Variants in IL1RAPL2 observed in about 807,000 individuals in gnomAD.
IL1RAPL2 encodes the protein interleukin 1 receptor accessory protein like 2.
IL1RAPL2 carries 3 observed loss-of-function variants against 44.1 expected under a neutral mutation model. The observed-to-expected ratio is 0.07, with a 90% CI of 0.03 to 0.18. The LOEUF (loss-of-function observed/expected upper bound fraction) is 0.18, where lower values mean the gene tolerates loss of function less well. Among genes scored for constraint, IL1RAPL2 ranks in the 10% least tolerant of loss-of-function variants. The pLI is 1.00. For missense variants in IL1RAPL2, 391 were observed against 496.4 expected, an observed-to-expected ratio of 0.79 and a Z score of 2.02; for synonymous variants, 181 against 178.8, an observed-to-expected ratio of 1.01 and a Z score of -0.10.
At chrX:105,406,513 C>A in intron 5 of IL1RAPL2, 6 of 1,199,554 alleles carry the variant, frequency 5.0e-6, no homozygotes, top group Non-Finnish European at 6.8e-6. Flanking sequence ...TTGCTAGCAA[C>A]TCCAACCAAG....
chrX:104,608,306 A>G (rs961902303), intron 1 of IL1RAPL2, among the ~76,000 whole-genome samples: 7 of 110,769 alleles, frequency 6.3e-5, no homozygotes, highest in Non-Finnish European at 1.3e-4. Context: ...GCAGCAAACC[A>G]CCATGGCATG....
intron 2 of IL1RAPL2, among the ~76,000 whole-genome samples, chrX:105,176,369 T>C (rs1350571629): frequency 9.0e-6 from 1 of 111,166 alleles, no homozygotes; most frequent in Non-Finnish European, 1.9e-5. Flanking sequence ...GTATGCTATA[T>C]GTGGCCATTT....
At position 104,610,482 on chromosome X, in the gene IL1RAPL2, C is replaced by T. The variant is rs191439050; in HGVS notation, c.-20+43431C>T. Among the ~76,000 whole-genome samples, 54 of 112,204 alleles carry T rather than the reference C, an allele frequency of 4.8e-4. No homozygotes were observed. The East Asian group carries it at 0.015, about 30-fold the overall frequency. ...CAAAAATCACAAGCATTCTTATACA[C>T]TAATAATAGGCAGACAGCCAAATCA... On this transcript the variant is annotated intron_variant, in intron 1 of 10. Transcript: ENST00000372582.
intron 1 of IL1RAPL2, among the ~76,000 whole-genome samples, chrX:104,578,783 G>C (rs770647112): frequency 2.2e-3 from 242 of 111,374 alleles, no homozygotes; most frequent in Non-Finnish European, 3.4e-3. Context: ...CTTGGTTATA[G>C]AGATATAGAA....
intron 2 of IL1RAPL2, among the ~76,000 whole-genome samples, chrX:105,151,363 T>C (rs1251582865): frequency 9.0e-6 from 1 of 111,212 alleles, no homozygotes; most frequent in Non-Finnish European, 1.9e-5. Context: ...ACTTGAGAGT[T>C]CTTTTAGTTG....
At chrX:105,495,875 A>G (rs1261396004) in intron 6 of IL1RAPL2, among the ~76,000 whole-genome samples, 1 of 111,680 alleles carries the variant, frequency 9.0e-6, no homozygotes, top group Non-Finnish European at 1.9e-5. Context: ...AGTTAGCATG[A>G]AAAACTGGTT....
At chrX:105,415,592 G>C (rs1470440053) in intron 5 of IL1RAPL2, among the ~76,000 whole-genome samples, 1 of 111,091 alleles carries the variant, frequency 9.0e-6, no homozygotes, top group Non-Finnish European at 1.9e-5. Context: ...TTTCTAATTA[G>C]AAATTTATTT....
chrX:105,624,647 G>A (rs2037441293), intron 6 of IL1RAPL2, among the ~76,000 whole-genome samples: 1 of 111,353 alleles, frequency 9.0e-6, no homozygotes, highest in Non-Finnish European at 1.9e-5. Flanking sequence ...TATATACTGA[G>A]AGTAGGGTTG....
chrX:104,786,948 TC>T (rs1932802082), intron 2 of IL1RAPL2, among the ~76,000 whole-genome samples: 1 of 95,876 alleles, frequency 1.0e-5, no homozygotes, highest in Non-Finnish European at 2.1e-5. Flanking sequence ...TCTCTCTCTC[TC>T]TCTCTCTCTC....
chrX:104,582,543 C>G (rs1429765161), intron 1 of IL1RAPL2, among the ~76,000 whole-genome samples: 2 of 101,156 alleles, frequency 2.0e-5, no homozygotes, highest in African/African-American at 7.4e-5. Flanking sequence ...TCTTTCCTTC[C>G]TTCCTCCCCT....
rs1236007000 is a variant in IL1RAPL2, at chrX:105,767,344, C to T, written c.1744C>T (p.Gln582Ter). 1 of 1,210,184 alleles carries T rather than the reference C, an allele frequency of 8.3e-7. No individual in the cohort carries two copies. The highest frequency in any genetic ancestry group is 1.1e-6 in the Non-Finnish European group (1 of 895,150). ...AGAACAAGGACTTTTTGGAGAACTC[C>T]AGCCTATACCCTCTATTGCCATGAC... ...SAEQGLFGEL[Q>*]PIPSIAMTST... The change falls in exon 11 of 11, where the codon CAG (glutamine) becomes TAG (stop). Residue 582 changes from glutamine to a stop codon, truncating the protein, a stop_gained. Transcript: ENST00000372582. LOFTEE classifies it high-confidence loss of function.
intron 5 of IL1RAPL2, among the ~76,000 whole-genome samples, chrX:105,311,989 G>T (rs1818236906): frequency 8.9e-6 from 1 of 111,974 alleles, no homozygotes. Context: ...GGCGAAAGGA[G>T]TTACCAATTC....
intron 7 of IL1RAPL2, among the ~76,000 whole-genome samples, chrX:105,732,491 T>C (rs1358848250): frequency 9.1e-6 from 1 of 110,381 alleles, no homozygotes; most frequent in Non-Finnish European, 1.9e-5. Flanking sequence ...CTACTCCTGC[T>C]ATGTGAGGAT....
intron 1 of IL1RAPL2, among the ~76,000 whole-genome samples, chrX:104,571,217 T>A (rs1321829759): frequency 8.9e-6 from 1 of 112,254 alleles, no homozygotes; most frequent in Non-Finnish European, 1.9e-5. Flanking sequence ...TAATTCAGTA[T>A]ATCCTACATG....
chrX:105,673,819 C>T (rs1280287283), intron 6 of IL1RAPL2, among the ~76,000 whole-genome samples: 4 of 111,907 alleles, frequency 3.6e-5, no homozygotes, highest in East Asian at 2.8e-4. Flanking sequence ...TCTGCAGCCT[C>T]GCCAGTATCT....
At chrX:104,589,243 G>A (rs1486065506) in intron 1 of IL1RAPL2, among the ~76,000 whole-genome samples, 3 of 112,048 alleles carry the variant, frequency 2.7e-5, no homozygotes, top group African/African-American at 9.8e-5. Flanking sequence ...TCCCACAATA[G>A]GCCATCCGCA....
intron 6 of IL1RAPL2, among the ~76,000 whole-genome samples, chrX:105,622,031 C>T (rs1324372473): frequency 9.1e-6 from 1 of 110,070 alleles, no homozygotes. Context: ...CTTCTGTCAT[C>T]ACTATCAAGT....
At chrX:105,357,599 G>T (rs923021829) in intron 5 of IL1RAPL2, among the ~76,000 whole-genome samples, 1 of 110,353 alleles carries the variant, frequency 9.1e-6, no homozygotes, top group Admixed American at 9.8e-5. Context: ...TATGCAAATT[G>T]TTCATAAATG....
chrX:105,078,909 G>A (rs919441816), intron 2 of IL1RAPL2, among the ~76,000 whole-genome samples: 8 of 111,972 alleles, frequency 7.1e-5, no homozygotes, highest in African/African-American at 1.9e-4. Context: ...GGAGTGACCC[G>A]ATTTTCCAGG....
Sources: gnomAD v4.1 joint callset for allele counts (sites outside exome capture counted in the v4.1 genomes callset) on GRCh38, gnomAD v4.1.1 for gene constraint, MANE v1.5 for transcripts, NCBI Gene and HGNC (gene_info 2026-07-23, HGNC 2026-07-21) for gene names.